Variants in RSBN1L observed in about 807,000 individuals in gnomAD.
The protein encoded by RSBN1L is round spermatid basic protein 1 like.
Under a neutral mutation model 67.7 loss-of-function variants are expected in RSBN1L, and 30 were observed. That is an observed-to-expected ratio of 0.44 (90% CI 0.33 to 0.60). The LOEUF is 0.60. Ranked by LOEUF, RSBN1L falls within the 20% of genes least tolerant of loss-of-function variation. The pLI, the probability that RSBN1L is intolerant of heterozygous loss-of-function variation, is 0.02. For synonymous variants in RSBN1L, 433 were observed against 387.0 expected (o/e 1.12, Z -1.39); for missense variants, 992 against 1,031.7 (o/e 0.96, Z 0.53).
At chr7:77,716,624 CT>C (rs61611975) in intron 1 of RSBN1L, among the ~76,000 whole-genome samples, 4,155 of 74,496 alleles carry the variant, frequency 0.056, 77 homozygotes, top group South Asian at 0.11. Flanking sequence ...GTATCTTCAT[CT>C]TTTTTTTTTT....
At chr7:77,736,385 A>G (rs1241741925) in intron 1 of RSBN1L, 25 bp from the exon 2 acceptor site, 3 of 962,188 alleles carry the variant, frequency 3.1e-6, no homozygotes, top group East Asian at 7.1e-5. Context: ...TTCATTTTAA[A>G]TATTTCCTTT....
chr7:77,765,651 T>C lies in RSBN1L; in HGVS notation c.1482+19T>C. On this transcript the variant is annotated intron_variant, in intron 4 of 7. Transcript: ENST00000334955. ...TTTAAAAGTAAGAGACAATCTGTCA[T>C]GGGATTAGAGTTTTTTTTTTAAAAA... 5 of 1,555,098 alleles carry C rather than the reference T, an allele frequency of 3.2e-6. No homozygotes were observed. The highest frequency in any genetic ancestry group is 4.4e-6 in the Non-Finnish European group (5 of 1,147,218).
intron 4 of RSBN1L, among the ~76,000 whole-genome samples, chr7:77,766,341 T>C (rs1055271096): frequency 7.2e-5 from 11 of 152,308 alleles, no homozygotes; most frequent in African/African-American, 2.2e-4. Flanking sequence ...CATGCCATCA[T>C]GCCCAGCTAA....
chr7:77,771,453 T>A (rs1189534028), intron 5 of RSBN1L, among the ~76,000 whole-genome samples: 1 of 152,064 alleles, frequency 6.6e-6, no homozygotes, highest in Non-Finnish European at 1.5e-5. Flanking sequence ...AATAAAATTT[T>A]ACAGGTTAAT....
chr7:77,755,647 A>G (rs1791607204), intron 3 of RSBN1L, among the ~76,000 whole-genome samples: 1 of 144,524 alleles, frequency 6.9e-6, no homozygotes. Context: ...AGCTTGGGTG[A>G]CAGAGTGAGA....
rs192881023 is a variant in RSBN1L at position 77,765,698 on chromosome 7, G to A, written c.1482+66G>A. ...AAAAAGGGAAGAAAAACCAATATGAGTAATCTAAATTGTGATTGTTTCTTT... is the reference window on the plus strand; with the variant it reads ...AAAAAGGGAAGAAAAACCAATATGAATAATCTAAATTGTGATTGTTTCTTT... On this transcript the variant is annotated intron_variant, in intron 4 of 7. Coordinates refer to ENST00000334955, the MANE Select transcript of RSBN1L (RefSeq NM_198467.3). 283 of 1,139,110 alleles carry A rather than the reference G, an allele frequency of 2.5e-4. 2 individuals are homozygous for A. In the African/African-American group the frequency reaches 4.0e-3, roughly 16 times the overall value. 70.6% of individuals were successfully genotyped at this position (1,139,110 alleles called of 1,614,324 possible). A position where few individuals can be genotyped will look rare whatever the true frequency, so the allele number is the denominator to read the frequency against.
At chr7:77,770,143 C>T (rs1407827121) in intron 5 of RSBN1L, among the ~76,000 whole-genome samples, 3 of 151,736 alleles carry the variant, frequency 2.0e-5, no homozygotes, top group South Asian at 2.1e-4. Context: ...GAGGCTGAGG[C>T]GGGTGGATTA....
chr7:77,766,661 A>G (rs1791769630), intron 4 of RSBN1L, among the ~76,000 whole-genome samples: 1 of 152,138 alleles, frequency 6.6e-6, no homozygotes, highest in Non-Finnish European at 1.5e-5. Flanking sequence ...TCAATGCTGC[A>G]AACCTACACT....
rs370877245 is a variant in RSBN1L, at chr7:77,763,015, C to A, written c.1345-2480C>A. ...TGGTACTGTGATGTCATAGAATGAA[C>A]CAACTCAGTGGCAAGGACTTGATTA... On this transcript the variant is annotated intron_variant, in intron 3 of 7. Coordinates refer to ENST00000334955, the MANE Select transcript of RSBN1L (RefSeq NM_198467.3). Among the ~76,000 whole-genome samples the A allele has an allele frequency of 8.5e-4, 129 of 152,156 alleles. 3 individuals carry two copies. The South Asian group carries it at 0.018, about 21-fold the overall frequency.
intron 1 of RSBN1L, among the ~76,000 whole-genome samples, chr7:77,706,506 T>A (rs192607370): frequency 8.6e-4 from 131 of 152,352 alleles, no homozygotes; most frequent in African/African-American, 3.0e-3. Flanking sequence ...CCACTAGGCC[T>A]GGCCTTAATG....
chr7:77,705,390 T>A (rs1052186372), intron 1 of RSBN1L, among the ~76,000 whole-genome samples: 2 of 152,162 alleles, frequency 1.3e-5, no homozygotes, highest in African/African-American at 4.8e-5. Context: ...TGAGAGTGTT[T>A]CCTAGGTACT....
chr7:77,770,670 G>C (rs1019205740), intron 5 of RSBN1L, among the ~76,000 whole-genome samples: 1 of 151,910 alleles, frequency 6.6e-6, no homozygotes, highest in Non-Finnish European at 1.5e-5. Flanking sequence ...GACAGAACCA[G>C]AACCTATCTC....
rs1342595794 is a variant in RSBN1L, at chr7:77,778,997, G to C, written c.2370G>C (p.Leu790Phe). 3.7e-6 allele frequency: 6 copies of C among 1,613,796 alleles called. No individual in the cohort carries two copies. The African/African-American group carries it at 8.0e-5, about 22-fold the overall frequency. The change falls in exon 8 of 8, where the codon TTG (leucine) becomes TTC (phenylalanine). Residue 790 changes from leucine to phenylalanine, a missense_variant. Leu to Phe is a conservative substitution (Grantham distance 22). This residue lies in a region of RSBN1L where 199 missense variants were observed against 167.7 expected (regional missense o/e 1.19). Transcript: ENST00000334955. Reference protein sequence around the residue: ...NMDGKNVKAKLDHVQFAEFKI... With the variant: ...NMDGKNVKAKFDHVQFAEFKI... ...ATGGCAAGAATGTTAAAGCAAAATT[G>C]GATCATGTTCAATTTGCAGAATTTA...
intron 1 of RSBN1L, among the ~76,000 whole-genome samples, chr7:77,728,545 G>T (rs1791235507): frequency 6.6e-6 from 1 of 152,170 alleles, no homozygotes; most frequent in Admixed American, 6.5e-5. Context: ...CTATGGTGTG[G>T]CGCTGCTCAA....
At chr7:77,759,086 C>T (rs1791662054) in intron 3 of RSBN1L, among the ~76,000 whole-genome samples, 1 of 152,208 alleles carries the variant, frequency 6.6e-6, no homozygotes, top group African/African-American at 2.4e-5. Context: ...TCTGATCTGA[C>T]TGTTAGACCT....
At chr7:77,745,601 A>G (rs1343470080) in intron 2 of RSBN1L, among the ~76,000 whole-genome samples, 5 of 152,184 alleles carry the variant, frequency 3.3e-5, no homozygotes, top group Admixed American at 6.5e-5. Flanking sequence ...AGGAAAGGAT[A>G]TAAGAGTTGT....
At position 77,778,789 on chromosome 7, in the gene RSBN1L, C is replaced by T. The variant is rs373145716; in HGVS notation, c.2162C>T (p.Pro721Leu). 7 of 1,613,982 alleles carry T rather than the reference C, an allele frequency of 4.3e-6. No homozygotes were observed. Among genetic ancestry groups the T allele is most frequent in the African/African-American group, 1.3e-5 (1 of 74,924 alleles). Residue 721 changes from proline to leucine, a missense_variant, in exon 8 of 8, where the codon CCT becomes CTT. Physicochemically the swap from Pro to Leu is moderately conservative, Grantham distance 98. Coordinates refer to ENST00000334955, the MANE Select transcript of RSBN1L (RefSeq NM_198467.3). ...SSDSTSSVLG[P>L]HTDNMICAVS... ...GATTCCACATCATCTGTTCTTGGAC[C>T]TCACACTGACAACATGATTTGTGCT...
intron 1 of RSBN1L, among the ~76,000 whole-genome samples, chr7:77,722,023 C>A (rs576678462): frequency 1.2e-4 from 19 of 152,190 alleles, no homozygotes; most frequent in African/African-American, 4.3e-4. Context: ...ATAAACTGAA[C>A]TGGTCAAGTG....
At chr7:77,748,950 G>A (rs1057296491) in intron 2 of RSBN1L, among the ~76,000 whole-genome samples, 4 of 151,532 alleles carry the variant, frequency 2.6e-5, no homozygotes, top group Admixed American at 2.6e-4. Flanking sequence ...TCTCTCTCTC[G>A]CTGTGTACAT....
Sources: gnomAD v4.1 joint callset for allele counts (sites outside exome capture counted in the v4.1 genomes callset) on GRCh38, gnomAD v4.1.1 for gene constraint, gnomAD v4.1.1 regional missense constraint, MANE v1.5 for transcripts, NCBI Gene and HGNC (gene_info 2026-07-23, HGNC 2026-07-21) for gene names.